GPC3: variants seen among roughly 807,000 people sequenced by gnomAD.
GPC3 encodes glypican-3.
A neutral mutation model predicts 34.4 loss-of-function variants in GPC3; 3 were observed. That is an observed-to-expected ratio of 0.09 (90% confidence interval 0.04 to 0.23). The LOEUF (loss-of-function observed/expected upper bound fraction) is 0.23. Ranked by LOEUF, GPC3 falls within the 10% of genes least tolerant of loss-of-function variation. The pLI is 1.00. For missense variants in GPC3, 351 were observed against 445.6 expected, an observed-to-expected ratio of 0.79 and a Z score of 1.91; for synonymous variants, 177 against 174.0, an observed-to-expected ratio of 1.02 and a Z score of -0.13.
chrX:133,868,434 G>C (rs1429630324), intron 2 of GPC3, among the ~76,000 whole-genome samples: 1 of 112,061 alleles, frequency 8.9e-6, no homozygotes, highest in African/African-American at 3.2e-5. Flanking sequence ...ACATTCACTT[G>C]TTCATTCAGT....
At chrX:133,701,240 T>C (rs190591124) in intron 3 of GPC3, among the ~76,000 whole-genome samples, 3 of 111,856 alleles carry the variant, frequency 2.7e-5, no homozygotes, top group African/African-American at 6.5e-5. Context: ...AACCTCCATA[T>C]AAAGAAATAT....
intron 6 of GPC3, among the ~76,000 whole-genome samples, chrX:133,625,154 T>C (rs993487905): frequency 9.0e-6 from 1 of 111,713 alleles, no homozygotes; most frequent in African/African-American, 3.3e-5. Context: ...TAGGTACTGA[T>C]GGGACGTATC....
intron 2 of GPC3, among the ~76,000 whole-genome samples, chrX:133,850,004 T>C (rs1266770401): frequency 9.0e-6 from 1 of 111,091 alleles, no homozygotes; most frequent in Non-Finnish European, 1.9e-5. Flanking sequence ...ACTTACCTAA[T>C]TCTCTATTTC....
chrX:133,942,580 G>A (rs974697127), intron 2 of GPC3, among the ~76,000 whole-genome samples: 2 of 112,036 alleles, frequency 1.8e-5, no homozygotes, highest in African/African-American at 3.2e-5. Context: ...TATGCAAGAC[G>A]ATATGTCAAA....
intron 3 of GPC3, among the ~76,000 whole-genome samples, chrX:133,728,910 C>T (rs2071438491): frequency 8.9e-6 from 1 of 111,829 alleles, no homozygotes; most frequent in South Asian, 3.8e-4. Context: ...AGTTCTATAT[C>T]CCCCTAATAG....
At chrX:133,541,561 G>A (rs981044478) in intron 7 of GPC3, among the ~76,000 whole-genome samples, 1 of 112,277 alleles carries the variant, frequency 8.9e-6, no homozygotes, top group Non-Finnish European at 1.9e-5. Context: ...CCAAAGGGTA[G>A]ACTCAACATC....
At chrX:133,943,574 G>A (rs761117373) in intron 2 of GPC3, among the ~76,000 whole-genome samples, 10 of 112,205 alleles carry the variant, frequency 8.9e-5, no homozygotes, top group Non-Finnish European at 1.5e-4. Flanking sequence ...CCACCTTTTT[G>A]AAGGGAAGCT....
In GPC3 at chrX:133,754,180, TAAAA is replaced by T. The variant is rs370737647; in HGVS notation, c.338-8_338-5del. 280 of 941,468 alleles carry T rather than the reference TAAAA, an allele frequency of 3.0e-4. No individual in the cohort carries two copies. Among genetic ancestry groups the T allele is most frequent in the Non-Finnish European group, 3.5e-4 (241 of 691,799 alleles). The allele number at this position is 941,468 out of a possible 1,213,427, so 77.6% of individuals were successfully genotyped here. On this transcript the variant is annotated splice_region_variant and splice_polypyrimidine_tract_variant and intron_variant, in intron 2 of 7. Transcript: ENST00000370818. ...CGAACAACAATTTCAAAGGCCTCTG[TAAAA>T]AAAAAAAAAAAAGAGACACAAAAAT... is the stretch of plus-strand genomic sequence containing the variant.
chrX:133,742,136 T>C (rs757455988), intron 3 of GPC3, among the ~76,000 whole-genome samples: 138 of 112,079 alleles, frequency 1.2e-3, no homozygotes, highest in African/African-American at 4.3e-3. Context: ...TAAACCATAA[T>C]CACACATCAC....
intron 7 of GPC3, among the ~76,000 whole-genome samples, chrX:133,585,414 A>T (rs1349146372): frequency 1.8e-5 from 2 of 110,666 alleles, no homozygotes; most frequent in African/African-American, 6.6e-5. Context: ...TCCACACTAG[A>T]TCTTTTCAGC....
chrX:133,873,918 C>A (rs2076004954), intron 2 of GPC3, among the ~76,000 whole-genome samples: 1 of 111,350 alleles, frequency 9.0e-6, no homozygotes, highest in African/African-American at 3.3e-5. Flanking sequence ...AGATTTAAAT[C>A]TATGATGGCT....
intron 7 of GPC3, among the ~76,000 whole-genome samples, chrX:133,588,936 T>A (rs112135813): frequency 0.05 from 5,563 of 111,134 alleles, 378 homozygotes; most frequent in African/African-American, 0.17. Flanking sequence ...CTGTGAAATC[T>A]TAAAGGCTTC....
intron 2 of GPC3, among the ~76,000 whole-genome samples, chrX:133,866,041 T>C (rs2075965023): frequency 8.9e-6 from 1 of 112,162 alleles, no homozygotes; most frequent in South Asian, 3.7e-4. Context: ...CCACAATATC[T>C]GGTATTTCCA....
intron 3 of GPC3, among the ~76,000 whole-genome samples, chrX:133,700,626 C>T (rs773923245): frequency 9.0e-6 from 1 of 111,475 alleles, no homozygotes; most frequent in Non-Finnish European, 1.9e-5. Context: ...CCTGTAATTC[C>T]AGCACTTCGG....
At chrX:133,702,348 T>C (rs1471660890) in intron 3 of GPC3, among the ~76,000 whole-genome samples, 1 of 112,167 alleles carries the variant, frequency 8.9e-6, no homozygotes, top group African/African-American at 3.2e-5. Context: ...GAATAAACAT[T>C]CATGTGAGAA....
At chrX:133,634,917 G>A (rs1200885532) in intron 6 of GPC3, among the ~76,000 whole-genome samples, 1 of 111,905 alleles carries the variant, frequency 8.9e-6, no homozygotes, top group Non-Finnish European at 1.9e-5. Context: ...AGGAACTCAA[G>A]CTTGGATTAA....
intron 5 of GPC3, among the ~76,000 whole-genome samples, chrX:133,681,327 C>T (rs964987336): frequency 8.9e-6 from 1 of 111,849 alleles, no homozygotes; most frequent in Non-Finnish European, 1.9e-5. Context: ...TTTGCTGACT[C>T]TAAGGTTGTA....
intron 2 of GPC3, among the ~76,000 whole-genome samples, chrX:133,832,004 T>C (rs950168146): frequency 9.8e-5 from 11 of 112,058 alleles, no homozygotes; most frequent in African/African-American, 3.6e-4. Flanking sequence ...CAGAGCTGGC[T>C]GGGCAGGGAG....
intron 3 of GPC3, among the ~76,000 whole-genome samples, chrX:133,727,283 C>T (rs761576448): frequency 6.3e-5 from 7 of 111,473 alleles, no homozygotes; most frequent in East Asian, 2.8e-4. Context: ...CGGTGGCTCA[C>T]GCCTGTAATC....
Sources: gnomAD v4.1 joint callset for allele counts (sites outside exome capture counted in the v4.1 genomes callset) on GRCh38, gnomAD v4.1.1 for gene constraint, MANE v1.5 for transcripts, NCBI Gene and HGNC (gene_info 2026-07-23, HGNC 2026-07-21) for gene names.